Variants in MSH6 observed in about 807,000 individuals in gnomAD.
The protein encoded by MSH6 is mutS homolog 6, also known as DNA mismatch repair protein Msh6.
A neutral mutation model predicts 119.1 loss-of-function variants in MSH6; 85 were observed. The observed-to-expected ratio is 0.71, with a 90% CI of 0.60 to 0.85. The LOEUF (loss-of-function observed/expected upper bound fraction) is 0.85, where lower values mean the gene tolerates loss of function less well. MSH6 is among the 40% of genes least tolerant of loss of function. The pLI is 0.00. For missense variants in MSH6, 2,163 were observed against 1,655.3 expected (o/e 1.31, Z -5.32); for synonymous variants, 830 against 586.9 (o/e 1.41, Z -5.99).
At chr2:47,783,585 G>C in intron 1 of MSH6, 92 bp downstream of exon 1, 1 of 1,286,534 alleles carries the variant, frequency 7.8e-7, no homozygotes, top group Non-Finnish European at 1.0e-6. Flanking sequence ...GGTTGGGGGG[G>C]TGCACGGCCT....
At position 47,801,361 on chromosome 2, in the gene MSH6, G is replaced by GTTTTTTT. The variant is rs10666222; in HGVS notation, c.3172+225_3172+231dup. On this transcript the variant is annotated intron_variant, in intron 4 of 9. Transcript: ENST00000234420. ...TTAGTAGCCCTTTGGCCTTTCTTCA[G>GTTTTTTT]TTTTTTTTTTTTTTTTTTTTTTTTT... The GTTTTTTT allele has an allele frequency of 9.4e-3, 842 of 89,748 alleles. 41 individuals carry two copies. The highest frequency in any genetic ancestry group is 0.03 in the South Asian group (185 of 6,148). 5.6% of individuals were successfully genotyped at this position (89,748 alleles called of 1,614,324 possible). A position where few individuals can be genotyped will look rare whatever the true frequency, so the allele number is the denominator to read the frequency against.
At chr2:47,806,754 T>TTTTTTTTTTTTTTTAAAAC in intron 9 of MSH6, 25 bp from the exon 10 acceptor site, 1 of 1,211,774 alleles carries the variant, frequency 8.3e-7, no homozygotes, top group Non-Finnish European at 1.1e-6. Context: ...AAAAAAACTT[T>TTTTTTTTTTTTTTTAAAAC]TTTTTTTTTT....
rs1060502905 is a variant in MSH6, at chr2:47,803,632, T to G, written c.3385T>G (p.Cys1129Gly). ...GGAGCAGGAAAATGGCAAAGCCTAT[T>G]GTGTGCTTGTTACTGGACCAAATAT... ...EEEQENGKAY[C>G]VLVTGPNMGG... Residue 1129 changes from cysteine to glycine, a missense_variant, in exon 5 of 10, where the codon TGT becomes GGT. Cys to Gly is a radical substitution (Grantham distance 159). Transcript: ENST00000234420. The G allele has an allele frequency of 6.2e-7, 1 of 1,614,222 alleles. No homozygotes were observed. Among genetic ancestry groups the G allele is most frequent in the Admixed American group, 1.7e-5 (1 of 60,026 alleles).
Position 47,806,371 on chromosome 2 carries a change from T to C in MSH6, c.3801+13T>C, listed in dbSNP as rs2104547708. ...CCTAGGACATATGGTATGTGCAAAT[T>C]GTTTTTTTCCACAAATTCGGTTTTT... is the stretch of plus-strand genomic sequence containing the variant. On this transcript the variant is annotated intron_variant, in intron 8 of 9. Transcript: ENST00000234420. The C allele has an allele frequency of 6.2e-7, 1 of 1,614,044 alleles. No homozygotes were observed. Among genetic ancestry groups the C allele is most frequent in the Non-Finnish European group, 8.5e-7 (1 of 1,179,966 alleles).
At chr2:47,790,282 G>A (rs751160580) in intron 1 of MSH6, among the ~76,000 whole-genome samples, 25 of 152,190 alleles carry the variant, frequency 1.6e-4, no homozygotes, top group Admixed American at 2.6e-4. Context: ...AAATAAGCCA[G>A]GTGTGATGGC....
rs747395661 is a variant in MSH6, at chr2:47,805,172, AGTCT to A, written c.3556+146_3556+149del. On this transcript the variant is annotated intron_variant, in intron 6 of 9. Coordinates refer to ENST00000234420, the MANE Select transcript of MSH6 (RefSeq NM_000179.3). The stretch of plus-strand genomic sequence containing the variant: ...AAACATCACTTTTTAAGAACTGCAT[AGTCT>A]CTCTCTCTTTTTTTTTTTTTTGAGA... The A allele has an allele frequency of 3.8e-3, 2,495 of 655,754 alleles. 4 individuals are homozygous for A. The highest frequency in any genetic ancestry group is 4.1e-3 in the Non-Finnish European group (1,535 of 374,806). 40.6% of individuals were successfully genotyped at this position (655,754 alleles called of 1,614,324 possible). A position where few individuals can be genotyped will look rare whatever the true frequency, so the allele number is the denominator to read the frequency against.
In MSH6 at chr2:47,800,035, A is replaced by G. The variant is rs772874585; in HGVS notation, c.2052A>G (p.Leu684=). ...GEKSELALSA[L]GGCVFYLKKC... ...AAAGTGAATTGGCCCTCTCTGCTCT[A>G]GGTGGTTGTGTCTTCTACCTCAAAA... is the stretch of plus-strand genomic sequence containing the variant. The change falls in exon 4 of 10, where the codon CTA becomes CTG. Residue 684 remains leucine (L), a synonymous_variant. Transcript: ENST00000234420. 5 of 1,614,148 alleles carry G rather than the reference A, an allele frequency of 3.1e-6. No individual in the cohort carries two copies. Among genetic ancestry groups the G allele is most frequent in the East Asian group, 2.2e-5 (1 of 44,878 alleles).
At chr2:47,804,534 G>GT (rs1344944017) in intron 5 of MSH6, among the ~76,000 whole-genome samples, 1 of 69,218 alleles carries the variant, frequency 1.4e-5, no homozygotes, top group Non-Finnish European at 2.6e-5. Flanking sequence ...GTGACAACGT[G>GT]TAAAAAAAAA....
intron 1 of MSH6, among the ~76,000 whole-genome samples, chr2:47,786,801 C>T (rs150542298): frequency 6.6e-6 from 1 of 151,562 alleles, no homozygotes; most frequent in East Asian, 1.9e-4. Flanking sequence ...TAGTTTATGG[C>T]TTTGTTGTTG....
chr2:47,794,765 T>G (rs978270059), intron 2 of MSH6, among the ~76,000 whole-genome samples: 3 of 152,266 alleles, frequency 2.0e-5, no homozygotes, highest in Non-Finnish European at 2.9e-5. Context: ...TAGCTGCATG[T>G]AACTGACAGT....
intron 1 of MSH6, among the ~76,000 whole-genome samples, chr2:47,788,917 TTTTTG>T (rs1558650205): frequency 0.021 from 1,223 of 57,784 alleles, 102 homozygotes; most frequent in East Asian, 0.03. Flanking sequence ...CTTTTTTTTT[TTTTTG>T]TTTTTTTTTT....
chr2:47,807,016 A>ATGGTTATTGAATAC (rs1463980192), downstream of MSH6: 22 of 662,024 alleles, frequency 3.3e-5, no homozygotes, highest in Non-Finnish European at 5.6e-5. Flanking sequence ...CTTCTACATA[A>ATGGTTATTGAATAC]TGGTTATTGA....
intron 1 of MSH6, among the ~76,000 whole-genome samples, chr2:47,788,927 T>C (rs1558650250): frequency 8.5e-5 from 7 of 82,110 alleles, no homozygotes; most frequent in African/African-American, 1.8e-4. Flanking sequence ...TTTTTGTTTT[T>C]TTTTTTTTTT....
intron 5 of MSH6, 44 bp from the exon 6 acceptor site, chr2:47,804,866 T>G (rs763624720): frequency 2.8e-6 from 4 of 1,427,128 alleles, no homozygotes; most frequent in Non-Finnish European, 4.0e-6. Flanking sequence ...TTTATGAAAC[T>G]GTTACTACCA....
rs1558389820 is a variant in MSH6, at chr2:47,805,102, T to A, written c.3556+75T>A. 5 of 994,946 alleles carry A rather than the reference T, an allele frequency of 5.0e-6. No homozygotes were observed. The East Asian group carries it at 1.2e-4, about 24-fold the overall frequency. The allele number at this position is 994,946 out of a possible 1,614,324, so 61.6% of individuals were successfully genotyped here. A position where few individuals can be genotyped will look rare whatever the true frequency, so the allele number is the denominator to read the frequency against. On this transcript the variant is annotated intron_variant, in intron 6 of 9. Coordinates refer to ENST00000234420, the MANE Select transcript of MSH6 (RefSeq NM_000179.3). ...ATAAAAGATATTTGCTTCTTGTATA[T>A]GAGCCTTTTAAATCTAATATTTGAT...
chr2:47,808,454 T>G (rs1168418232), downstream of MSH6: 1 of 1,543,544 alleles, frequency 6.5e-7, no homozygotes, highest in South Asian at 1.2e-5. Flanking sequence ...TAAATTACTT[T>G]TCTCAAACAT....
rs1060504741 is a variant in MSH6, at chr2:47,799,108, G to A, written c.1125G>A (p.Glu375=). 1 of 1,614,168 alleles carries A rather than the reference G, an allele frequency of 6.2e-7. No individual in the cohort carries two copies. Among genetic ancestry groups the A allele is most frequent in the Non-Finnish European group, 8.5e-7 (1 of 1,180,022 alleles). The part of the protein sequence containing the change: ...WYHETLEWLK[E]EKRRDEHRRR... Reference sequence around the variant, plus strand: ...ATGAAACTTTAGAATGGCTTAAGGAGGAAAAGAGAAGAGATGAGCACAGGA... The same window carrying A: ...ATGAAACTTTAGAATGGCTTAAGGAAGAAAAGAGAAGAGATGAGCACAGGA... Residue 375 remains glutamate (E), a synonymous_variant, in exon 4 of 10, where the codon GAG becomes GAA. Coordinates refer to ENST00000234420, the MANE Select transcript of MSH6 (RefSeq NM_000179.3).
intron 1 of MSH6, among the ~76,000 whole-genome samples, chr2:47,788,946 T>TTTTTTTTTTTTTTTTTTTTTTTTTTTTG (rs1553409740): frequency 1.7e-5 from 2 of 115,750 alleles, no homozygotes; most frequent in Non-Finnish European, 3.5e-5. Flanking sequence ...TTTTTTTTTT[T>TTTTTTTTTTTTTTTTTTTTTTTTTTTTG]TGTGAGACGG....
rs267608052 is a variant in MSH6, at chr2:47,799,352, G to C, written c.1369G>C (p.Ala457Pro). 6.2e-7 allele frequency: 1 copy of C among 1,614,020 alleles called. No individual in the cohort carries two copies. Among genetic ancestry groups the C allele is most frequent in the Non-Finnish European group, 8.5e-7 (1 of 1,180,014 alleles). Reference sequence around the variant, plus strand: ...GCTGGTATTCATGAAAGGCAACTGGGCCCATTCTGGCTTTCCTGAAATTGC... The same window carrying C: ...GCTGGTATTCATGAAAGGCAACTGGCCCCATTCTGGCTTTCCTGAAATTGC... ...LGLVFMKGNW[A>P]HSGFPEIAFG... is the part of the protein sequence containing the mutation. The change falls in exon 4 of 10, where the codon GCC becomes CCC. Residue 457 changes from alanine (A) to proline (P), a missense_variant. By Grantham distance (27) the Ala-to-Pro change is conservative (BLOSUM62 -1). Coordinates refer to ENST00000234420, the MANE Select transcript of MSH6 (RefSeq NM_000179.3).
Sources: gnomAD v4.1 joint callset for allele counts (sites outside exome capture counted in the v4.1 genomes callset) on GRCh38, gnomAD v4.1.1 for gene constraint, MANE v1.5 for transcripts, NCBI Gene and HGNC (gene_info 2026-07-23, HGNC 2026-07-21) for gene names.